Variants in DGKI observed in about 807,000 individuals in gnomAD.
DGKI encodes the protein diacylglycerol kinase iota, also known as DAG kinase iota.
In DGKI, 55 loss-of-function variants were observed where a neutral mutation model predicts 147.5. The ratio of observed to expected loss-of-function variants is 0.37; its 90% CI spans 0.30 to 0.47. DGKI has a LOEUF of 0.47. Ranked by LOEUF, DGKI falls within the 20% of genes least tolerant of loss-of-function variation. The pLI, the probability that DGKI is intolerant of heterozygous loss-of-function variation, is 1.00. For synonymous variants in DGKI, 469 were observed against 477.1 expected, an observed-to-expected ratio of 0.98 and a Z score of 0.22; for missense variants, 1,007 against 1,323.8, an observed-to-expected ratio of 0.76 and a Z score of 3.71.
In DGKI at chr7:137,690,002, C is replaced by A; in HGVS notation, c.402G>T (p.Arg134Ser). 1.3e-6 allele frequency: 2 copies of A among 1,593,768 alleles called. No individual in the cohort carries two copies. Among genetic ancestry groups the A allele is most frequent in the Non-Finnish European group, 8.5e-7 (1 of 1,173,428 alleles). ...GGAGGCCTGCCCGGGAGATTGCTTT[C>A]CTGCAGCAAGAAGAAAAACAAAAAC... ...NLTFRKQVSY[R>S]KAISRAGLQH... Residue 134 changes from arginine (R) to serine (S), a missense_variant and splice_region_variant, in exon 2 of 33, where the codon AGG (arginine) becomes AGT (serine). Arg to Ser is a moderately radical substitution (Grantham distance 110). Transcript: ENST00000614521.
At chr7:137,532,368 T>C (rs1817370841) in intron 20 of DGKI, among the ~76,000 whole-genome samples, 1 of 152,222 alleles carries the variant, frequency 6.6e-6, no homozygotes, top group South Asian at 2.1e-4. Context: ...TTTTCTTAAA[T>C]GGTTTTAGCC....
chr7:137,716,870 C>G (rs1223763558), intron 1 of DGKI, among the ~76,000 whole-genome samples: 1 of 152,216 alleles, frequency 6.6e-6, no homozygotes, highest in Non-Finnish European at 1.5e-5. Flanking sequence ...GCTCTACCTT[C>G]TGGCCTAAGA....
intron 20 of DGKI, among the ~76,000 whole-genome samples, chr7:137,548,273 G>C (rs1313515610): frequency 3.3e-5 from 5 of 152,168 alleles, no homozygotes; most frequent in African/African-American, 1.2e-4. Flanking sequence ...AGAAGATAGA[G>C]TTCAAAGAAT....
At chr7:137,663,290 C>A (rs1482692853) in intron 3 of DGKI, among the ~76,000 whole-genome samples, 2 of 152,134 alleles carry the variant, frequency 1.3e-5, no homozygotes. Flanking sequence ...AGGAGAGAGC[C>A]ACACATGGCG....
At chr7:137,750,336 C>T (rs1795459227) in intron 1 of DGKI, among the ~76,000 whole-genome samples, 1 of 152,118 alleles carries the variant, frequency 6.6e-6, no homozygotes, top group Non-Finnish European at 1.5e-5. Context: ...AATGGCTTCA[C>T]CATGAAAAAC....
At chr7:137,704,024 A>G (rs1275777283) in intron 1 of DGKI, among the ~76,000 whole-genome samples, 1 of 152,116 alleles carries the variant, frequency 6.6e-6, no homozygotes, top group Admixed American at 6.5e-5. Flanking sequence ...CAGCCTGGCC[A>G]ACATGTTGAA....
intron 21 of DGKI, 82 bp downstream of exon 21, chr7:137,521,784 G>T: frequency 2.1e-6 from 2 of 964,538 alleles, no homozygotes; most frequent in Admixed American, 2.0e-5. Flanking sequence ...AAGGATAAAT[G>T]AATCTACCCA....
intron 20 of DGKI, among the ~76,000 whole-genome samples, chr7:137,525,881 G>A (rs1817126320): frequency 6.6e-6 from 1 of 151,934 alleles, no homozygotes; most frequent in African/African-American, 2.4e-5. Context: ...CAAGGTGCTG[G>A]GCTACCTCTG....
intron 23 of DGKI, 127 bp downstream of exon 23, chr7:137,485,247 C>T (rs926340972): frequency 6.6e-6 from 5 of 761,652 alleles, no homozygotes; most frequent in Non-Finnish European, 1.1e-5. Context: ...ACCATTTTCA[C>T]TAGATTCTTA....
intron 10 of DGKI, among the ~76,000 whole-genome samples, chr7:137,603,851 CAGGGAGTTGCGAG>C (rs1419826616): frequency 6.6e-6 from 1 of 152,194 alleles, no homozygotes; most frequent in African/African-American, 2.4e-5. Context: ...AACCATGAGA[CAGGGAGTTGCGAG>C]AGAGGAGACA....
intron 21 of DGKI, among the ~76,000 whole-genome samples, chr7:137,509,665 T>C (rs772166344): frequency 6.6e-6 from 1 of 152,202 alleles, no homozygotes; most frequent in Non-Finnish European, 1.5e-5. Context: ...AGACCACTTG[T>C]CAATGCCTCA....
chr7:137,846,814 G>T lies in DGKI; in HGVS notation c.49C>A (p.Arg17Ser). ...GCHLLPLPAA[R>S]GPARAPAAAA... Reference sequence around the variant, plus strand: ...GCTGCAGGAGCGCGGGCAGGTCCGCGCGCCGCTGGCAGGGGCAGCAAATGG... The same window carrying T: ...GCTGCAGGAGCGCGGGCAGGTCCGCTCGCCGCTGGCAGGGGCAGCAAATGG... The change falls in exon 1 of 33, where the codon CGC (arginine) becomes AGC (serine). Residue 17 changes from arginine to serine, a missense_variant. Coordinates refer to ENST00000614521, the MANE Select transcript of DGKI (RefSeq NM_001321708.2). The surrounding 1 kb of genome is among the most constrained non-coding windows in gnomAD (Gnocchi z 4.0). 8.8e-7 allele frequency: 1 copy of T among 1,140,520 alleles called. No individual in the cohort carries two copies. Among genetic ancestry groups the T allele is most frequent in the Non-Finnish European group, 1.1e-6 (1 of 929,550 alleles). 70.7% of individuals were successfully genotyped at this position (1,140,520 alleles called of 1,614,324 possible). A position where few individuals can be genotyped will look rare whatever the true frequency, so the allele number is the denominator to read the frequency against.
chr7:137,619,502 C>A (rs1419019093), intron 8 of DGKI, among the ~76,000 whole-genome samples: 2 of 152,140 alleles, frequency 1.3e-5, no homozygotes, highest in Admixed American at 6.5e-5. Context: ...GTTGTATAAG[C>A]ATCAGCTATA....
rs1251793677 is a variant in DGKI, at chr7:137,566,722, GAGA to G, written c.1947+4450_1947+4452del. On this transcript the variant is annotated intron_variant, in intron 19 of 32. Transcript: ENST00000614521. The stretch of plus-strand genomic sequence containing the variant: ...TTTCTCTTTTTCCTACAAATGATAG[GAGA>G]AGAATAAAAAGGATCTGGCAGAACC... 9.2e-5 allele frequency among the ~76,000 whole-genome samples: 14 copies of G among 152,144 alleles called. 1 individual carries two copies. The highest frequency in any genetic ancestry group is 3.1e-4 in the African/African-American group (13 of 41,510).
intron 1 of DGKI, among the ~76,000 whole-genome samples, chr7:137,815,768 G>A (rs1357654875): frequency 6.6e-6 from 1 of 152,198 alleles, no homozygotes; most frequent in African/African-American, 2.4e-5. Context: ...AGAACAGAGA[G>A]AGAAAAGATT....
In DGKI at chr7:137,845,376, G is replaced by A. The variant is rs117136150; in HGVS notation, c.401+1086C>T. On this transcript the variant is annotated intron_variant, in intron 1 of 32. Transcript: ENST00000614521. ...GTTTGCTTACATAACAGCACATGGT[G>A]TGACAGGCTTAATACTTTATATGGT... 1.7e-3 allele frequency among the ~76,000 whole-genome samples: 259 copies of A among 152,290 alleles called. 2 individuals are homozygous for A. The East Asian group carries it at 0.03, about 18-fold the overall frequency.
chr7:137,427,789 T>C (rs1369696882), intron 28 of DGKI, among the ~76,000 whole-genome samples: 1 of 152,190 alleles, frequency 6.6e-6, no homozygotes, highest in Non-Finnish European at 1.5e-5. Flanking sequence ...GCAAATCAAC[T>C]AGAATACCTA....
intron 2 of DGKI, among the ~76,000 whole-genome samples, chr7:137,681,645 C>T (rs1214912581): frequency 6.6e-6 from 1 of 152,234 alleles, no homozygotes; most frequent in African/African-American, 2.4e-5. Context: ...GAAGATGGAA[C>T]TAGATGCATA....
chr7:137,486,179 C>T (rs762311637), intron 22 of DGKI, among the ~76,000 whole-genome samples: 24 of 151,946 alleles, frequency 1.6e-4, no homozygotes, highest in Non-Finnish European at 2.8e-4. Flanking sequence ...AAAATTTTTC[C>T]TCTTTATTTG....
Sources: allele counts gnomAD v4.1 joint callset (sites outside exome capture counted in the v4.1 genomes callset), GRCh38; gene constraint gnomAD v4.1.1; non-coding constraint Gnocchi (gnomAD v3.1); transcripts MANE v1.5; gene names NCBI Gene and HGNC (gene_info 2026-07-23, HGNC 2026-07-21).